LAMA4: variants seen among roughly 807,000 people sequenced by gnomAD.
LAMA4 encodes the protein laminin subunit alpha-4.
LAMA4 carries 127 observed loss-of-function variants against 207.1 expected under a neutral mutation model. That is an observed-to-expected ratio of 0.61 (90% CI 0.53 to 0.71). LAMA4 has a LOEUF of 0.71. Ranked by LOEUF, LAMA4 falls within the 30% of genes least tolerant of loss-of-function variation. The pLI, the probability that LAMA4 is intolerant of heterozygous loss-of-function variation, is 0.00. For missense variants in LAMA4, 2,093 were observed against 2,246.5 expected (o/e 0.93, Z 1.38); for synonymous variants, 761 against 816.0 (o/e 0.93, Z 1.15).
Position 112,172,619 on chromosome 6 carries a change from C to T in LAMA4, c.1543G>A (p.Asp515Asn), listed in dbSNP as rs1554342199. ...MNRATAARQR[D>N]HEKQQERVRE... ...GTGAGTGTCCGCTGTACCTCATGGT[C>T]CCGCTGCCTGGCTGCTGTGGCCCTG... The change falls in exon 12 of 39, where the codon GAC (aspartate) becomes AAC (asparagine). Residue 515 changes from aspartate to asparagine, a missense_variant. This residue lies in a region of LAMA4 where 1,704 missense variants were observed against 1,788.4 expected (regional missense o/e 0.95). Coordinates refer to ENST00000230538, the MANE Select transcript of LAMA4 (RefSeq NM_001105206.3). 1 of 1,612,764 alleles carries T rather than the reference C, an allele frequency of 6.2e-7. No individual in the cohort carries two copies. Among genetic ancestry groups the T allele is most frequent in the Admixed American group, 1.7e-5 (1 of 60,030 alleles).
intron 2 of LAMA4, chr6:112,251,641 T>G (rs1787462685): frequency 6.6e-6 from 1 of 152,270 alleles, no homozygotes; most frequent in Admixed American, 6.5e-5. Flanking sequence ...TACCATGTTA[T>G]TAAGTCTCCG....
Position 112,195,757 on chromosome 6 carries a change from G to A in LAMA4, c.504-3907C>T, listed in dbSNP as rs549020894. Reference sequence around the variant, plus strand: ...TAATGCATGAAAGTATACTATTAAAGCTGCTATGGGAGGCAGTGTGGAATA... The same window carrying A: ...TAATGCATGAAAGTATACTATTAAAACTGCTATGGGAGGCAGTGTGGAATA... On this transcript the variant is annotated intron_variant, in intron 5 of 38. Coordinates refer to ENST00000230538, the MANE Select transcript of LAMA4 (RefSeq NM_001105206.3). Among the ~76,000 whole-genome samples the A allele has an allele frequency of 2.0e-5, 3 of 152,258 alleles. No homozygotes were observed. In the South Asian group the frequency reaches 6.2e-4, roughly 32 times the overall value.
At chr6:112,221,088 C>T (rs1418109784) in intron 2 of LAMA4, among the ~76,000 whole-genome samples, 2 of 152,054 alleles carry the variant, frequency 1.3e-5, no homozygotes, top group East Asian at 3.9e-4. Context: ...TTAAACAAAC[C>T]AACAATGGCA....
At chr6:112,206,400 C>T (rs1328742439) in intron 4 of LAMA4, among the ~76,000 whole-genome samples, 2 of 152,194 alleles carry the variant, frequency 1.3e-5, no homozygotes, top group Non-Finnish European at 2.9e-5. Flanking sequence ...ATTCCATATT[C>T]TGTCATTTTA....
intron 14 of LAMA4, 76 bp from the exon 15 acceptor site, chr6:112,155,782 T>A: frequency 1.3e-6 from 2 of 1,500,390 alleles, no homozygotes; most frequent in Non-Finnish European, 1.8e-6. Context: ...GCTTGCTTTT[T>A]AAATACTTCT....
intron 5 of LAMA4, chr6:112,200,275 GA>G (rs1435306349): frequency 6.9e-6 from 3 of 431,998 alleles, no homozygotes; most frequent in African/African-American, 2.1e-5. Context: ...ACAAACATAT[GA>G]AAAAAAGCTC....
chr6:112,176,117 T>C (rs1782008934), intron 10 of LAMA4, among the ~76,000 whole-genome samples: 1 of 152,226 alleles, frequency 6.6e-6, no homozygotes, highest in Admixed American at 6.5e-5. Flanking sequence ...TGGCAGTTGC[T>C]GTTTGCCTTC....
intron 26 of LAMA4, among the ~76,000 whole-genome samples, chr6:112,134,068 T>C (rs1434752147): frequency 5.9e-5 from 9 of 152,122 alleles, no homozygotes; most frequent in African/African-American, 1.7e-4. Context: ...ACACAACCCT[T>C]TGGATAACCT....
chr6:112,253,619 G>A, intron 2 of LAMA4: 1 of 918,914 alleles, frequency 1.1e-6, no homozygotes, highest in South Asian at 1.4e-5. Flanking sequence ...GCCGTGGCTT[G>A]ACAAAATGAC....
chr6:112,254,113 A>G lies in LAMA4; in HGVS notation c.38T>C (p.Leu13Pro), dbSNP rs1787684702. Reference protein sequence around the residue: ...LSSAWRSVLPLWLLWSAACSR... With the variant: ...LSSAWRSVLPPWLLWSAACSR... ...GCAGGCAGCGCTCCAGAGGAGCCACAGAGGCAGAACCGAGCGCCAGGCTGA... is the reference window on the plus strand; with the variant it reads ...GCAGGCAGCGCTCCAGAGGAGCCACGGAGGCAGAACCGAGCGCCAGGCTGA... Residue 13 changes from leucine (L) to proline (P), a missense_variant, in exon 2 of 39, where the codon CTG becomes CCG. By Grantham distance (98) the Leu-to-Pro change is moderately conservative. Coordinates refer to ENST00000230538, the MANE Select transcript of LAMA4 (RefSeq NM_001105206.3). The G allele has an allele frequency of 1.2e-6, 2 of 1,612,848 alleles. No individual in the cohort carries two copies. The highest frequency in any genetic ancestry group is 1.7e-6 in the Non-Finnish European group (2 of 1,179,956).
At chr6:112,193,414 T>A (rs956131212) in intron 5 of LAMA4, among the ~76,000 whole-genome samples, 8 of 151,934 alleles carry the variant, frequency 5.3e-5, no homozygotes, top group Admixed American at 2.0e-4. Context: ...ACATTTTTTT[T>A]AAAGGATTCC....
intron 19 of LAMA4, among the ~76,000 whole-genome samples, chr6:112,144,244 T>G (rs1475120358): frequency 6.6e-6 from 1 of 152,200 alleles, no homozygotes; most frequent in African/African-American, 2.4e-5. Flanking sequence ...AAAACACATA[T>G]AGTGTGTTTG....
At chr6:112,235,558 C>T (rs1785857536) in intron 2 of LAMA4, among the ~76,000 whole-genome samples, 1 of 152,124 alleles carries the variant, frequency 6.6e-6, no homozygotes, top group Non-Finnish European at 1.5e-5. Context: ...TTCTTAAGGT[C>T]ATGTGGAAAC....
chr6:112,181,720 T>G (rs1322587726), intron 9 of LAMA4, among the ~76,000 whole-genome samples: 1 of 152,184 alleles, frequency 6.6e-6, no homozygotes, highest in Non-Finnish European at 1.5e-5. Flanking sequence ...CATAATTATG[T>G]TTTTACTTAT....
At chr6:112,215,204 TC>T (rs1246062971) in intron 3 of LAMA4, among the ~76,000 whole-genome samples, 1 of 152,144 alleles carries the variant, frequency 6.6e-6, no homozygotes, top group East Asian at 1.9e-4. Flanking sequence ...ACAGAGGACA[TC>T]CTGGTTGTAA....
chr6:112,236,585 TAGA>T (rs1337861775), intron 2 of LAMA4: 2 of 152,162 alleles, frequency 1.3e-5, no homozygotes, highest in Admixed American at 1.3e-4. Context: ...AAGCTACAGG[TAGA>T]AGGAGATAAA....
At chr6:112,226,797 C>A (rs1785238804) in intron 2 of LAMA4, among the ~76,000 whole-genome samples, 1 of 152,146 alleles carries the variant, frequency 6.6e-6, no homozygotes, top group Admixed American at 6.5e-5. Context: ...GTGAAGATAT[C>A]TCTAACTACA....
intron 24 of LAMA4, among the ~76,000 whole-genome samples, chr6:112,138,646 C>G (rs1025096067): frequency 1.3e-5 from 2 of 151,944 alleles, no homozygotes; most frequent in African/African-American, 4.8e-5. Flanking sequence ...TTATTACAAG[C>G]TTTGACTGTT....
chr6:112,232,541 C>T (rs1458290145), intron 2 of LAMA4, among the ~76,000 whole-genome samples: 1 of 152,080 alleles, frequency 6.6e-6, no homozygotes, highest in Non-Finnish European at 1.5e-5. Flanking sequence ...ATAATGTGTA[C>T]ATTTCTTTTG....
Sources: allele counts gnomAD v4.1 joint callset (sites outside exome capture counted in the v4.1 genomes callset), GRCh38; gene constraint gnomAD v4.1.1; regional missense constraint gnomAD v4.1.1; transcripts MANE v1.5; gene names NCBI Gene and HGNC (gene_info 2026-07-23, HGNC 2026-07-21).